Variants in GPATCH2 observed in about 807,000 individuals in gnomAD.
GPATCH2 encodes the protein G patch domain-containing protein 2.
GPATCH2 carries 51 observed loss-of-function variants against 58.0 expected under a neutral mutation model. The observed-to-expected ratio is 0.88, with a 90% confidence interval of 0.70 to 1.11. The LOEUF is 1.11. Among genes scored for constraint, GPATCH2 ranks in the 50% most tolerant of loss-of-function variants. The pLI, the probability that GPATCH2 is intolerant of heterozygous loss-of-function variation, is 0.00. For synonymous variants in GPATCH2, 222 were observed against 218.5 expected (o/e 1.02, Z -0.14); for missense variants, 625 against 652.2 (o/e 0.96, Z 0.45).
chr1:217,586,633 C>T (rs1052267276), intron 5 of GPATCH2, among the ~76,000 whole-genome samples: 5 of 152,164 alleles, frequency 3.3e-5, no homozygotes, highest in African/African-American at 4.8e-5. Context: ...ATTAAAAGTA[C>T]ACTATAGTAA....
chr1:217,442,791 A>T (rs1023888736), intron 9 of GPATCH2, among the ~76,000 whole-genome samples: 5 of 152,174 alleles, frequency 3.3e-5, no homozygotes, highest in Admixed American at 6.5e-5. Flanking sequence ...TTTATCCATT[A>T]TAATCCCTAA....
At chr1:217,584,226 G>A (rs7543040) in intron 5 of GPATCH2, among the ~76,000 whole-genome samples, 9,253 of 150,598 alleles carry the variant, frequency 0.061, 324 homozygotes, top group Middle Eastern at 0.1. Flanking sequence ...GGCCTCCCGC[G>A]GTGGCTCACA....
chr1:217,519,757 A>C (rs1014228664), intron 5 of GPATCH2, among the ~76,000 whole-genome samples: 3 of 152,202 alleles, frequency 2.0e-5, no homozygotes, highest in Non-Finnish European at 4.4e-5. Context: ...TTATGCAGCC[A>C]CTGAGAGCTT....
At chr1:217,493,380 C>T (rs867184287) in intron 7 of GPATCH2, among the ~76,000 whole-genome samples, 7 of 152,104 alleles carry the variant, frequency 4.6e-5, no homozygotes, top group African/African-American at 1.7e-4. Context: ...TATATCCTAG[C>T]CATAGTGAAG....
chr1:217,433,468 C>T (rs1390884591), intron 9 of GPATCH2, among the ~76,000 whole-genome samples: 1 of 151,268 alleles, frequency 6.6e-6, no homozygotes, highest in Admixed American at 6.6e-5. Flanking sequence ...GAAATCTTGG[C>T]TTACTGCAAC....
intron 7 of GPATCH2, 82 bp downstream of exon 7, chr1:217,498,274 G>A (rs1662109056): frequency 9.6e-7 from 1 of 1,039,492 alleles, no homozygotes; most frequent in Admixed American, 1.7e-5. Context: ...TTCTCATAAA[G>A]CTGATCTACT....
At chr1:217,615,007 A>T (rs1017968181) in intron 2 of GPATCH2, among the ~76,000 whole-genome samples, 4 of 152,030 alleles carry the variant, frequency 2.6e-5, no homozygotes, top group African/African-American at 9.7e-5. Flanking sequence ...TTTAAAGAAA[A>T]TTTAGTGATG....
chr1:217,429,875 C>G lies in GPATCH2; in HGVS notation c.*1270G>C, dbSNP rs949424233. 2.1e-5 allele frequency: 3 copies of G among 143,012 alleles called. No homozygotes were observed. Among genetic ancestry groups the G allele is most frequent in the African/African-American group, 7.7e-5 (3 of 38,968 alleles). The allele number at this position is 143,012 out of a possible 1,614,324, so 8.9% of individuals were successfully genotyped here. On this transcript the variant is annotated 3_prime_UTR_variant, in exon 10 of 10. Coordinates refer to ENST00000366935, the MANE Select transcript of GPATCH2 (RefSeq NM_018040.5). The stretch of plus-strand genomic sequence containing the variant: ...ACAAAAAAACTCTTTTGGAAAGTGA[C>G]AAGATTTTAAAAACCCATTAGAAAG...
intron 5 of GPATCH2, among the ~76,000 whole-genome samples, chr1:217,603,141 A>T (rs966937226): frequency 1.3e-5 from 2 of 152,192 alleles, no homozygotes; most frequent in Admixed American, 6.5e-5. Context: ...TTACCAAAAT[A>T]CTAACATTCA....
intron 5 of GPATCH2, among the ~76,000 whole-genome samples, chr1:217,569,316 A>G (rs563350033): frequency 6.6e-6 from 1 of 152,218 alleles, no homozygotes; most frequent in Admixed American, 6.5e-5. Context: ...AATAAAAACA[A>G]TGAATGTTGT....
rs1337411643 is a variant in GPATCH2, at chr1:217,571,644, G to A, written c.1098+38677C>T. Among the ~76,000 whole-genome samples the A allele has an allele frequency of 4.8e-5, 6 of 124,362 alleles. No homozygotes were observed. The East Asian group carries it at 8.3e-4, about 17-fold the overall frequency. The allele number at this position is 124,362 out of a possible 152,430, so 81.6% of individuals were successfully genotyped here. On this transcript the variant is annotated intron_variant, in intron 5 of 9. Coordinates refer to ENST00000366935, the MANE Select transcript of GPATCH2 (RefSeq NM_018040.5). ...TTGAGACCAGCCTGGCCAACACAGCGAAACCCCCGTCTCTACAAAAAATAC... is the reference window on the plus strand; with the variant it reads ...TTGAGACCAGCCTGGCCAACACAGCAAAACCCCCGTCTCTACAAAAAATAC...
At chr1:217,522,827 T>C (rs1663537230) in intron 5 of GPATCH2, among the ~76,000 whole-genome samples, 1 of 139,650 alleles carries the variant, frequency 7.2e-6, no homozygotes, top group African/African-American at 2.5e-5. Context: ...GGGGACTTGT[T>C]CAATACACAC....
chr1:217,622,144 T>A (rs1183744131), intron 1 of GPATCH2, among the ~76,000 whole-genome samples: 1 of 152,212 alleles, frequency 6.6e-6, no homozygotes, highest in Non-Finnish European at 1.5e-5. Context: ...ACTGTAATCC[T>A]CAAGACAGAT....
chr1:217,464,011 T>A (rs143123906), intron 8 of GPATCH2, among the ~76,000 whole-genome samples: 133 of 151,716 alleles, frequency 8.8e-4, no homozygotes, highest in African/African-American at 2.9e-3. Flanking sequence ...TGAAACATCA[T>A]TTTTTTTCTA....
intron 5 of GPATCH2, among the ~76,000 whole-genome samples, chr1:217,566,593 A>T (rs1321324793): frequency 6.6e-6 from 1 of 152,226 alleles, no homozygotes; most frequent in Admixed American, 6.5e-5. Flanking sequence ...CATCAATCCA[A>T]TTATTAATGA....
At chr1:217,602,968 C>T (rs1434903589) in intron 5 of GPATCH2, among the ~76,000 whole-genome samples, 1 of 151,894 alleles carries the variant, frequency 6.6e-6, no homozygotes, top group Admixed American at 6.6e-5. Context: ...ACTTCCAAAT[C>T]GTATTAATTT....
At chr1:217,468,890 T>C (rs1020058198) in intron 8 of GPATCH2, among the ~76,000 whole-genome samples, 2 of 152,142 alleles carry the variant, frequency 1.3e-5, no homozygotes, top group African/African-American at 4.8e-5. Context: ...TGTCTGTATT[T>C]CTGTATATAA....
At chr1:217,561,245 T>C (rs549196339) in intron 5 of GPATCH2, among the ~76,000 whole-genome samples, 142 of 152,276 alleles carry the variant, frequency 9.3e-4, no homozygotes, top group African/African-American at 3.3e-3. Context: ...CAACTCAACA[T>C]GAGGGTCAAT....
intron 8 of GPATCH2, among the ~76,000 whole-genome samples, chr1:217,456,839 T>C (rs1210745801): frequency 6.6e-6 from 1 of 151,994 alleles, no homozygotes; most frequent in African/African-American, 2.4e-5. Context: ...AATCACAATA[T>C]CAAAAAACAC....
Sources: allele counts gnomAD v4.1 joint callset (sites outside exome capture counted in the v4.1 genomes callset), GRCh38; gene constraint gnomAD v4.1.1; transcripts MANE v1.5; gene names NCBI Gene and HGNC (gene_info 2026-07-23, HGNC 2026-07-21).